Variants in MAP4K3 observed in about 807,000 individuals in gnomAD.
MAP4K3 encodes the protein MAPK/ERK kinase kinase kinase 3.
In MAP4K3, 94 loss-of-function variants were observed where a neutral mutation model predicts 143.5. The ratio of observed to expected loss-of-function variants is 0.65; its 90% CI spans 0.55 to 0.78. MAP4K3 has a LOEUF of 0.78. Among genes scored for constraint, MAP4K3 ranks in the 30% least tolerant of loss-of-function variants. MAP4K3 has a pLI of 0.00. For missense variants in MAP4K3, 1,077 were observed against 1,068.1 expected, an observed-to-expected ratio of 1.01 and a Z score of -0.12; for synonymous variants, 416 against 347.2, an observed-to-expected ratio of 1.20 and a Z score of -2.20.
chr2:39,331,544 A>G (rs570851443), intron 8 of MAP4K3, among the ~76,000 whole-genome samples: 2 of 152,260 alleles, frequency 1.3e-5, no homozygotes, highest in African/African-American at 2.4e-5. Flanking sequence ...GTACTTGAAT[A>G]ATGTAATGTT....
chr2:39,273,930 C>G (rs1558614433), intron 24 of MAP4K3, among the ~76,000 whole-genome samples: 1 of 152,146 alleles, frequency 6.6e-6, no homozygotes, highest in East Asian at 1.9e-4. Flanking sequence ...GACCACATAT[C>G]AGTACGTGTT....
chr2:39,427,196 C>T (rs914427210), intron 1 of MAP4K3, among the ~76,000 whole-genome samples: 3 of 151,844 alleles, frequency 2.0e-5, no homozygotes, highest in Non-Finnish European at 2.9e-5. Flanking sequence ...AAAAAACAAC[C>T]GTTAATTTAG....
chr2:39,304,426 C>T (rs982499358), intron 15 of MAP4K3, among the ~76,000 whole-genome samples: 3 of 152,126 alleles, frequency 2.0e-5, no homozygotes, highest in Non-Finnish European at 4.4e-5. Flanking sequence ...CAGCCACAAG[C>T]ATTTGTAAGA....
chr2:39,434,789 A>G (rs1393416512), intron 1 of MAP4K3, among the ~76,000 whole-genome samples: 6 of 152,244 alleles, frequency 3.9e-5, no homozygotes, highest in African/African-American at 4.8e-5. Context: ...CCTATCTCAC[A>G]GGGTTGCTGT....
At chr2:39,283,818 G>C (rs1330883791) in intron 21 of MAP4K3, 2 of 152,144 alleles carry the variant, frequency 1.3e-5, no homozygotes, top group African/African-American at 2.4e-5. Context: ...CTTTGTGACA[G>C]TCTACATTTC....
chr2:39,290,084 CAAAAAAAAAAA>C (rs57058905), intron 19 of MAP4K3, among the ~76,000 whole-genome samples, 197 bp downstream of exon 19: 6 of 111,970 alleles, frequency 5.4e-5, no homozygotes, highest in Non-Finnish European at 7.3e-5. Flanking sequence ...GAGACTGTCT[CAAAAAAAAAAA>C]AAAAAAAAAA....
At chr2:39,280,391 G>C (rs983410391) in intron 22 of MAP4K3, 35 bp from the exon 23 acceptor site, 17 of 1,251,472 alleles carry the variant, frequency 1.4e-5, no homozygotes, top group African/African-American at 2.9e-5. Context: ...ATGAAACAGT[G>C]ACAAGTAACA....
Position 39,347,650 on chromosome 2 carries a change from CTT to C in MAP4K3, c.246-4200_246-4199del, listed in dbSNP as rs576599518. On this transcript the variant is annotated intron_variant, in intron 3 of 33. Coordinates refer to ENST00000263881, the MANE Select transcript of MAP4K3 (RefSeq NM_003618.4). ...TAACTTGTAGTGTAGTGTAGTATAA[CTT>C]AAATTAACTTGTAAATTAACTTAAA... Among the ~76,000 whole-genome samples the C allele has an allele frequency of 6.4e-3, 976 of 152,082 alleles. 10 individuals carry two copies. The highest frequency in any genetic ancestry group is 0.023 in the African/African-American group (936 of 41,504).
At chr2:39,328,998 T>C (rs1365825483) in intron 8 of MAP4K3, among the ~76,000 whole-genome samples, 1 of 152,124 alleles carries the variant, frequency 6.6e-6, no homozygotes, top group East Asian at 1.9e-4. Flanking sequence ...GTTCTAAAGT[T>C]TTAGATTTTA....
At chr2:39,279,763 CACAG>C (rs1379455407) in intron 23 of MAP4K3, among the ~76,000 whole-genome samples, 2 of 152,050 alleles carry the variant, frequency 1.3e-5, no homozygotes, top group African/African-American at 2.4e-5. Flanking sequence ...GCCTGGGGAA[CACAG>C]ACAGCTCCCA....
chr2:39,416,187 G>A (rs1376175665), intron 1 of MAP4K3, among the ~76,000 whole-genome samples: 1 of 151,016 alleles, frequency 6.6e-6, no homozygotes, highest in Admixed American at 6.6e-5. Context: ...GGTGGAGTTG[G>A]GAGGGCTGTC....
rs61122976 is a variant in MAP4K3 at position 39,271,250 on chromosome 2, C to T, written c.1973+1033G>A. The stretch of plus-strand genomic sequence containing the variant: ...GAGACTATATCTTATTCAATTTTGT[C>T]TCATTTATACATGGGACATTTCATA... On this transcript the variant is annotated intron_variant, in intron 26 of 33. Transcript: ENST00000263881. Among the ~76,000 whole-genome samples the T allele has an allele frequency of 5.5e-3, 835 of 152,246 alleles. 9 individuals carry two copies. Among genetic ancestry groups the T allele is most frequent in the African/African-American group, 0.019 (779 of 41,554 alleles).
intron 21 of MAP4K3, among the ~76,000 whole-genome samples, chr2:39,283,083 C>T (rs1025446927): frequency 6.6e-6 from 1 of 152,174 alleles, no homozygotes; most frequent in Non-Finnish European, 1.5e-5. Flanking sequence ...CTGAAATAAA[C>T]TTTCCTGTAT....
chr2:39,377,564 T>C (rs545425127), intron 2 of MAP4K3, among the ~76,000 whole-genome samples: 2 of 152,242 alleles, frequency 1.3e-5, no homozygotes, highest in South Asian at 4.1e-4. Context: ...AATAAGCTGC[T>C]CAATTTGGTA....
At chr2:39,328,262 T>C (rs1413833053) in intron 8 of MAP4K3, among the ~76,000 whole-genome samples, 1 of 152,004 alleles carries the variant, frequency 6.6e-6, no homozygotes, top group African/African-American at 2.4e-5. Flanking sequence ...GCCTGGGAAG[T>C]AGAGGTTGCA....
At chr2:39,336,861 T>C in intron 6 of MAP4K3, 59 bp downstream of exon 6, 1 of 733,598 alleles carries the variant, frequency 1.4e-6, no homozygotes, top group South Asian at 2.3e-5. Context: ...CTCAAAACAA[T>C]TTGATCAGAG....
At chr2:39,409,818 A>G (rs1667189698) in intron 1 of MAP4K3, among the ~76,000 whole-genome samples, 1 of 152,248 alleles carries the variant, frequency 6.6e-6, no homozygotes, top group Non-Finnish European at 1.5e-5. Flanking sequence ...CTATTTACCT[A>G]GTACTATAAT....
chr2:39,347,314 G>C (rs1665320709), intron 3 of MAP4K3, among the ~76,000 whole-genome samples: 1 of 151,970 alleles, frequency 6.6e-6, no homozygotes, highest in Admixed American at 6.6e-5. Context: ...AAAATAAAGG[G>C]GTTCTATTAC....
At chr2:39,305,583 T>G (rs992028211) in intron 15 of MAP4K3, among the ~76,000 whole-genome samples, 2 of 152,214 alleles carry the variant, frequency 1.3e-5, no homozygotes, top group African/African-American at 4.8e-5. Context: ...GTTGATTTTA[T>G]AAGTTGTATA....
Sources: gnomAD v4.1 joint callset for allele counts (sites outside exome capture counted in the v4.1 genomes callset) on GRCh38, gnomAD v4.1.1 for gene constraint, MANE v1.5 for transcripts, NCBI Gene and HGNC (gene_info 2026-07-23, HGNC 2026-07-21) for gene names.